The following XYLT1 variants were observed in gnomAD, a reference collection of about 807,000 sequenced individuals.
XYLT1 encodes the protein beta-D-xylosyltransferase 1.
A neutral mutation model predicts 91.3 loss-of-function variants in XYLT1; 36 were observed. The ratio of observed to expected loss-of-function variants is 0.39; its 90% CI spans 0.30 to 0.52. The LOEUF (loss-of-function observed/expected upper bound fraction) is 0.52. Among genes scored for constraint, XYLT1 ranks in the 20% least tolerant of loss-of-function variants. The pLI, the probability that XYLT1 is intolerant of heterozygous loss-of-function variation, is 0.68. For missense variants in XYLT1, 1,242 were observed against 1,284.5 expected, an observed-to-expected ratio of 0.97 and a Z score of 0.51; for synonymous variants, 588 against 532.0, an observed-to-expected ratio of 1.11 and a Z score of -1.45.
intron 1 of XYLT1, among the ~76,000 whole-genome samples, chr16:17,360,677 A>G (rs918619992): frequency 6.6e-6 from 1 of 152,198 alleles, no homozygotes; most frequent in Non-Finnish European, 1.5e-5. Context: ...GTATGACTAT[A>G]TATCTGTGAG....
chr16:17,240,289 G>T (rs2033326000), intron 3 of XYLT1, among the ~76,000 whole-genome samples: 1 of 152,144 alleles, frequency 6.6e-6, no homozygotes, highest in African/African-American at 2.4e-5. Context: ...AGGGAGATAA[G>T]GTTGAAGAAG....
chr16:17,215,941 A>G (rs1479372033), intron 3 of XYLT1, among the ~76,000 whole-genome samples: 2 of 152,096 alleles, frequency 1.3e-5, no homozygotes, highest in Admixed American at 1.3e-4. Flanking sequence ...CTTGTTATCC[A>G]TGGTTGAGGA....
intron 2 of XYLT1, among the ~76,000 whole-genome samples, chr16:17,356,444 G>A (rs975668178): frequency 9.6e-4 from 146 of 152,212 alleles, no homozygotes; most frequent in African/African-American, 3.3e-3. Flanking sequence ...TGGGGCCCCC[G>A]TGGCTATACC....
chr16:17,215,619 G>A (rs2032841364), intron 3 of XYLT1, among the ~76,000 whole-genome samples: 1 of 152,090 alleles, frequency 6.6e-6, no homozygotes, highest in Admixed American at 6.6e-5. Flanking sequence ...GATAGCCCAG[G>A]CAGACTAATA....
At position 17,104,772 on chromosome 16, in the gene XYLT1, T is replaced by A. The variant is rs548986741; in HGVS notation, c.*3923A>T. 5.3e-5 allele frequency: 8 copies of A among 152,300 alleles called. No homozygotes were observed. The highest frequency in any genetic ancestry group is 1.7e-4 in the African/African-American group (7 of 41,564). 9.4% of individuals were successfully genotyped at this position (152,300 alleles called of 1,614,324 possible). ...ACTGTGCTTACATTTTTACAAACAA[T>A]GACAGGTTGGGGCTGAGTAGCAGCT... On this transcript the variant is annotated 3_prime_UTR_variant, in exon 12 of 12. Transcript: ENST00000261381.
chr16:17,327,175 T>C lies in XYLT1; in HGVS notation c.402+30837A>G, dbSNP rs117085913. Reference sequence around the variant, plus strand: ...ATCAAATCATCACACCTTGAACACATTGAATACATTCAACCTTTATATTCC... The same window carrying C: ...ATCAAATCATCACACCTTGAACACACTGAATACATTCAACCTTTATATTCC... On this transcript the variant is annotated intron_variant, in intron 2 of 11. Transcript: ENST00000261381. 3.1e-3 allele frequency among the ~76,000 whole-genome samples: 474 copies of C among 152,340 alleles called. 2 individuals carry two copies. The highest frequency in any genetic ancestry group is 5.2e-3 in the Non-Finnish European group (352 of 68,042).
chr16:17,304,923 A>G (rs1019244763), intron 2 of XYLT1, among the ~76,000 whole-genome samples: 2 of 152,192 alleles, frequency 1.3e-5, no homozygotes, highest in African/African-American at 2.4e-5. Context: ...TTTCTTGGCA[A>G]ACTCACCAAG....
At chr16:17,198,548 A>C in intron 4 of XYLT1, 134 bp from the exon 5 acceptor site, 1 of 773,206 alleles carries the variant, frequency 1.3e-6, no homozygotes, top group Non-Finnish European at 2.0e-6. Context: ...TTGCCAAGTA[A>C]ATGATCCTGG....
At chr16:17,250,125 C>T (rs1444655745) in intron 3 of XYLT1, 2 of 152,226 alleles carry the variant, frequency 1.3e-5, no homozygotes, top group East Asian at 3.8e-4. Flanking sequence ...CAGGTAGAAG[C>T]TCCATGAGGG....
At chr16:17,244,153 G>A (rs1290616477) in intron 3 of XYLT1, among the ~76,000 whole-genome samples, 1 of 152,136 alleles carries the variant, frequency 6.6e-6, no homozygotes, top group Non-Finnish European at 1.5e-5. Context: ...GGAACAGGAT[G>A]TTCTCCCAGG....
At chr16:17,330,481 G>A (rs939575347) in intron 2 of XYLT1, among the ~76,000 whole-genome samples, 3 of 151,998 alleles carry the variant, frequency 2.0e-5, no homozygotes, top group Non-Finnish European at 2.9e-5. Flanking sequence ...CAGGCTAGAG[G>A]TGCCATAGAA....
In XYLT1 at chr16:17,470,864, C is replaced by A; in HGVS notation, c.-68G>T. 1 of 836,094 alleles carries A rather than the reference C, an allele frequency of 1.2e-6. No homozygotes were observed. The highest frequency in any genetic ancestry group is 5.8e-5 in the South Asian group (1 of 17,202). The allele number at this position is 836,094 out of a possible 1,614,324, so 51.8% of individuals were successfully genotyped here. On this transcript the variant is annotated 5_prime_UTR_variant, in exon 1 of 12. Coordinates refer to ENST00000261381, the MANE Select transcript of XYLT1 (RefSeq NM_022166.4). ...CGCTCCGGGCCGCCCCCGCGCTCCC[C>A]GCAGCTCCCGCGGCCGCCGGCTGCC...
chr16:17,458,624 A>G (rs2036775180), intron 1 of XYLT1, among the ~76,000 whole-genome samples: 1 of 152,074 alleles, frequency 6.6e-6, no homozygotes, highest in Admixed American at 6.5e-5. Context: ...AGGAGCAAAG[A>G]CTCTTCAAAC....
At chr16:17,442,258 G>C (rs142061795) in intron 1 of XYLT1, among the ~76,000 whole-genome samples, 134 of 152,230 alleles carry the variant, frequency 8.8e-4, no homozygotes, top group African/African-American at 3.1e-3. Flanking sequence ...AACTGTATGC[G>C]TGTGTCTCAT....
intron 2 of XYLT1, among the ~76,000 whole-genome samples, chr16:17,277,713 C>A (rs1436016457): frequency 1.3e-5 from 2 of 152,064 alleles, no homozygotes; most frequent in Non-Finnish European, 2.9e-5. Flanking sequence ...TTTATGTTCA[C>A]GTGTACTCAA....
intron 1 of XYLT1, among the ~76,000 whole-genome samples, chr16:17,430,293 C>A (rs963810463): frequency 2.0e-5 from 3 of 152,094 alleles, no homozygotes; most frequent in Non-Finnish European, 4.4e-5. Flanking sequence ...CCATGATGCT[C>A]AAATGAAACG....
intron 3 of XYLT1, among the ~76,000 whole-genome samples, chr16:17,242,412 T>C (rs7499817): frequency 0.073 from 11,039 of 152,228 alleles, 624 homozygotes; most frequent in Admixed American, 0.17. Flanking sequence ...GTAAATCAGA[T>C]TGTGCTACCG....
chr16:17,262,763 G>A (rs2033742170), intron 2 of XYLT1, among the ~76,000 whole-genome samples: 1 of 152,150 alleles, frequency 6.6e-6, no homozygotes, highest in African/African-American at 2.4e-5. Context: ...ATGTGGAGTA[G>A]AGACTCTACC....
intron 2 of XYLT1, among the ~76,000 whole-genome samples, chr16:17,292,963 C>T (rs2034253766): frequency 6.6e-6 from 1 of 152,168 alleles, no homozygotes; most frequent in Non-Finnish European, 1.5e-5. Context: ...GACTCTGGCA[C>T]ATGCTGGGCA....
Sources: allele counts gnomAD v4.1 joint callset (sites outside exome capture counted in the v4.1 genomes callset), GRCh38; gene constraint gnomAD v4.1.1; transcripts MANE v1.5; gene names NCBI Gene and HGNC (gene_info 2026-07-23, HGNC 2026-07-21).